FLVCR2: variants seen among roughly 807,000 people sequenced by gnomAD.
The protein encoded by FLVCR2 is FLVCR choline and putative heme transporter 2.
FLVCR2 carries 38 observed loss-of-function variants against 48.9 expected under a neutral mutation model. The observed-to-expected ratio is 0.78, with a 90% CI of 0.60 to 1.02. FLVCR2 has a LOEUF of 1.02. Ranked by LOEUF, FLVCR2 falls within the 50% of genes least tolerant of loss-of-function variation. The pLI, the probability that FLVCR2 is intolerant of heterozygous loss-of-function variation, is 0.00. For missense variants in FLVCR2, 664 were observed against 663.3 expected, an observed-to-expected ratio of 1.00 and a Z score of -0.01; for synonymous variants, 255 against 257.0, an observed-to-expected ratio of 0.99 and a Z score of 0.07.
At position 75,635,005 on chromosome 14, in the gene FLVCR2, A is replaced by T. The variant is rs763705499; in HGVS notation, c.1116A>T (p.Lys372Asn). 1 of 1,605,762 alleles carries T rather than the reference A, an allele frequency of 6.2e-7. No individual in the cohort carries two copies. Among genetic ancestry groups the T allele is most frequent in the Admixed American group, 1.7e-5 (1 of 60,008 alleles). The change falls in exon 5 of 10, where the codon AAA becomes AAT. Residue 372 changes from lysine (K) to asparagine (N), a missense_variant. Coordinates refer to ENST00000238667, the MANE Select transcript of FLVCR2 (RefSeq NM_017791.3). The part of the protein sequence containing the change: ...VISGIWLDRS[K>N]TYKETTLVVY... ...CAGGAATCTGGCTGGATAGGTCCAA[A>T]ACCTACAAGTAAGTGACTCATCCTC...
chr14:75,615,007 T>C (rs1889571824), intron 1 of FLVCR2, among the ~76,000 whole-genome samples: 1 of 152,184 alleles, frequency 6.6e-6, no homozygotes, highest in Non-Finnish European at 1.5e-5. Context: ...AGATGAGATT[T>C]TGGTGGGGAC....
intron 1 of FLVCR2, among the ~76,000 whole-genome samples, chr14:75,610,442 G>A (rs372853062): frequency 7.8e-5 from 10 of 128,766 alleles, no homozygotes; most frequent in Non-Finnish European, 1.2e-4. Context: ...CACGGCCTTT[G>A]TCAGTGTTCC....
intron 9 of FLVCR2, among the ~76,000 whole-genome samples, chr14:75,642,710 G>A (rs1458739075): frequency 6.6e-6 from 1 of 152,178 alleles, no homozygotes; most frequent in East Asian, 1.9e-4. Flanking sequence ...GAGATGAGAT[G>A]CCTTTTTTGC....
intron 1 of FLVCR2, among the ~76,000 whole-genome samples, chr14:75,611,621 G>A (rs189581033): frequency 3.6e-4 from 55 of 151,964 alleles, no homozygotes; most frequent in African/African-American, 1.3e-3. Context: ...GTCTGTGGTC[G>A]CAGCTACTTG....
In FLVCR2 at chr14:75,579,152, A is replaced by G. The variant is rs201465626; in HGVS notation, c.180A>G (p.Gln60=). 3 of 1,613,828 alleles carry G rather than the reference A, an allele frequency of 1.9e-6. No individual in the cohort carries two copies. The highest frequency in any genetic ancestry group is 2.2e-5 in the South Asian group (2 of 91,060). ...CGGCCCACCCCAGTGCCTTAGCCCA[A>G]CCCAGTGGCTTGGCTCACCCCAGTA... is the stretch of plus-strand genomic sequence containing the variant. ...SSSAHPSALA[Q]PSGLAHPSSS... The change falls in exon 1 of 10, where the codon CAA becomes CAG. Residue 60 remains glutamine (Q), a synonymous_variant. Coordinates refer to ENST00000238667, the MANE Select transcript of FLVCR2 (RefSeq NM_017791.3).
intron 3 of FLVCR2, among the ~76,000 whole-genome samples, chr14:75,629,665 G>T (rs530125317): frequency 2.0e-5 from 3 of 152,262 alleles, no homozygotes; most frequent in African/African-American, 7.2e-5. Flanking sequence ...CATTCACATG[G>T]CCTCCTCTAA....
intron 1 of FLVCR2, among the ~76,000 whole-genome samples, chr14:75,597,751 G>A (rs763596507): frequency 1.2e-4 from 18 of 152,104 alleles, no homozygotes; most frequent in Middle Eastern, 3.4e-3. Context: ...TCTATTTTTA[G>A]TAGAGATAGG....
At position 75,635,874 on chromosome 14, in the gene FLVCR2, G is replaced by A. The variant is rs115708380; in HGVS notation, c.1124+861G>A. 8.1e-3 allele frequency among the ~76,000 whole-genome samples: 1,238 copies of A among 152,102 alleles called. 15 individuals are homozygous for A. The highest frequency in any genetic ancestry group is 0.028 in the African/African-American group (1,142 of 41,482). On this transcript the variant is annotated intron_variant, in intron 5 of 9. Coordinates refer to ENST00000238667, the MANE Select transcript of FLVCR2 (RefSeq NM_017791.3). ...AAAAAAGAAAAGAAAATGTTTTATC[G>A]GTGTGCACATGGGTTAAAAAAAAAT... is the stretch of plus-strand genomic sequence containing the variant.
chr14:75,638,215 C>G (rs1369273801), intron 5 of FLVCR2, among the ~76,000 whole-genome samples: 1 of 152,064 alleles, frequency 6.6e-6, no homozygotes, highest in East Asian at 1.9e-4. Flanking sequence ...GCGGGCAGAT[C>G]ACCTGAGGTC....
Position 75,624,743 on chromosome 14 carries a change from A to G in FLVCR2, c.943A>G (p.Ile315Val). The change falls in exon 3 of 10, where the codon ATC becomes GTC. Residue 315 changes from isoleucine to valine, a missense_variant. Ile to Val is a conservative substitution (Grantham distance 29). Transcript: ENST00000238667. The stretch of plus-strand genomic sequence containing the variant: ...AAATCTCAACTTTGTGCTGCTTGTC[A>G]TCACCTATGGTAAGGTGTCAATGTG... ...FKNLNFVLLV[I>V]TYGLNAGAFY... The G allele has an allele frequency of 6.2e-7, 1 of 1,614,178 alleles. No homozygotes were observed. The highest frequency in any genetic ancestry group is 8.5e-7 in the Non-Finnish European group (1 of 1,180,026).
chr14:75,612,895 T>C (rs1594802638), intron 1 of FLVCR2, among the ~76,000 whole-genome samples: 2 of 152,336 alleles, frequency 1.3e-5, no homozygotes, highest in Admixed American at 1.3e-4. Context: ...GGAGCCCTTG[T>C]TTATTCTCCA....
At chr14:75,642,030 C>G (rs1890317248) in intron 9 of FLVCR2, 132 bp downstream of exon 9, 1 of 798,674 alleles carries the variant, frequency 1.3e-6, no homozygotes, top group East Asian at 2.5e-5. Context: ...CAGTTCATCC[C>G]TTACACATGG....
chr14:75,619,862 A>G (rs1889719291), intron 1 of FLVCR2, among the ~76,000 whole-genome samples: 2 of 152,232 alleles, frequency 1.3e-5, no homozygotes, highest in African/African-American at 4.8e-5. Context: ...TGGAATGAAC[A>G]GAGTCCAGCT....
intron 9 of FLVCR2, among the ~76,000 whole-genome samples, chr14:75,643,198 A>C (rs1890343821): frequency 6.6e-6 from 1 of 152,240 alleles, no homozygotes. Flanking sequence ...GTGTTCCTTT[A>C]TACGGATAAG....
chr14:75,586,718 C>A (rs1888759829), intron 1 of FLVCR2, among the ~76,000 whole-genome samples: 1 of 152,024 alleles, frequency 6.6e-6, no homozygotes, highest in Non-Finnish European at 1.5e-5. Flanking sequence ...GTAATTCTGA[C>A]CTCTCTGTTC....
At chr14:75,620,159 G>A (rs1286511875) in intron 1 of FLVCR2, among the ~76,000 whole-genome samples, 1 of 152,162 alleles carries the variant, frequency 6.6e-6, no homozygotes, top group Non-Finnish European at 1.5e-5. Flanking sequence ...GAAGAAGGTT[G>A]CATTTGCCCC....
rs765074563 is a variant in FLVCR2 at position 75,579,375 on chromosome 14, A to G, written c.403A>G (p.Ile135Val). 6 of 1,614,050 alleles carry G rather than the reference A, an allele frequency of 3.7e-6. No homozygotes were observed. In the South Asian group the frequency reaches 6.6e-5, roughly 18 times the overall value. ...WLSMCYMLTY[I>V]PLLLPVAWLL... is the part of the protein sequence containing the mutation. ...GTCCATGTGCTACATGCTGACTTAC[A>G]TCCCTCTGCTCCTGCCAGTGGCTTG... The change falls in exon 1 of 10, where the codon ATC becomes GTC. Residue 135 changes from isoleucine to valine, a missense_variant. Ile to Val is a conservative substitution (Grantham distance 29). Transcript: ENST00000238667.
intron 1 of FLVCR2, among the ~76,000 whole-genome samples, chr14:75,587,363 TC>T (rs907660774): frequency 4.9e-4 from 75 of 152,184 alleles, no homozygotes; most frequent in African/African-American, 8.4e-4. Flanking sequence ...ATTTAATTTT[TC>T]CCCCCGTCTC....
At chr14:75,635,607 G>A (rs754195039) in intron 5 of FLVCR2, among the ~76,000 whole-genome samples, 47 of 152,218 alleles carry the variant, frequency 3.1e-4, no homozygotes, top group Non-Finnish European at 5.7e-4. Flanking sequence ...ACTCACATCT[G>A]TAATCCCAGC....
Sources: allele counts gnomAD v4.1 joint callset (sites outside exome capture counted in the v4.1 genomes callset), GRCh38; gene constraint gnomAD v4.1.1; transcripts MANE v1.5; gene names NCBI Gene and HGNC (gene_info 2026-07-23, HGNC 2026-07-21).